PRKAG2: variants seen among roughly 807,000 people sequenced by gnomAD.
PRKAG2 encodes the protein protein kinase AMP-activated non-catalytic subunit gamma 2.
In PRKAG2, 26 loss-of-function variants were observed where a neutral mutation model predicts 69.6. The observed-to-expected ratio is 0.37, with a 90% CI of 0.27 to 0.52. The LOEUF (loss-of-function observed/expected upper bound fraction) is 0.52. Ranked by LOEUF, PRKAG2 falls within the 20% of genes least tolerant of loss-of-function variation. The pLI is 0.90. For synonymous variants in PRKAG2, 293 were observed against 285.0 expected, an observed-to-expected ratio of 1.03 and a Z score of -0.28; for missense variants, 557 against 740.0, an observed-to-expected ratio of 0.75 and a Z score of 2.87.
At chr7:151,641,742 C>T (rs1167599762) in intron 4 of PRKAG2, among the ~76,000 whole-genome samples, 1 of 151,540 alleles carries the variant, frequency 6.6e-6, no homozygotes, top group Non-Finnish European at 1.5e-5. Flanking sequence ...AACTCCAGTG[C>T]TCAAGTGATC....
chr7:151,757,955 C>T (rs1047081777), intron 3 of PRKAG2, among the ~76,000 whole-genome samples: 1 of 152,246 alleles, frequency 6.6e-6, no homozygotes, highest in African/African-American at 2.4e-5. Flanking sequence ...CGTTTTCAAA[C>T]CACTGCTGCG....
rs561302317 is a variant in PRKAG2, at chr7:151,795,444, A to G, written c.115-8903T>C. On this transcript the variant is annotated intron_variant, in intron 1 of 15. Coordinates refer to ENST00000287878, the MANE Select transcript of PRKAG2 (RefSeq NM_016203.4). Reference sequence around the variant, plus strand: ...ACAGGTGGCACTGCGGGCCCCAGCCAGGGGGCAGGGGAGGGGATGTTATGG... The same window carrying G: ...ACAGGTGGCACTGCGGGCCCCAGCCGGGGGGCAGGGGAGGGGATGTTATGG... 4.0e-5 allele frequency among the ~76,000 whole-genome samples: 6 copies of G among 151,736 alleles called. No individual in the cohort carries two copies. The East Asian group carries it at 9.8e-4, about 25-fold the overall frequency.
intron 12 of PRKAG2, 85 bp downstream of exon 12, chr7:151,565,635 C>G: frequency 6.5e-7 from 1 of 1,528,380 alleles, no homozygotes; most frequent in Non-Finnish European, 9.1e-7. Flanking sequence ...ATTTTCCCCA[C>G]GTATCTCCTG....
intron 6 of PRKAG2, among the ~76,000 whole-genome samples, chr7:151,587,362 CA>C (rs1233601151): frequency 1.3e-5 from 2 of 152,118 alleles, no homozygotes; most frequent in African/African-American, 4.8e-5. Context: ...AGAAAAATCC[CA>C]ACTAACTCAC....
At chr7:151,674,638 G>A (rs1832611883) in intron 4 of PRKAG2, among the ~76,000 whole-genome samples, 1 of 152,150 alleles carries the variant, frequency 6.6e-6, no homozygotes, top group Non-Finnish European at 1.5e-5. Context: ...GCTGGAGGCT[G>A]CACACGTCTG....
chr7:151,719,133 G>A lies in PRKAG2; in HGVS notation c.467-43496C>T, dbSNP rs548245519. Among the ~76,000 whole-genome samples the A allele has an allele frequency of 7.9e-5, 12 of 152,256 alleles. No homozygotes were observed. Among genetic ancestry groups the A allele is most frequent in the Admixed American group, 5.9e-4 (9 of 15,302 alleles). On this transcript the variant is annotated intron_variant, in intron 3 of 15. Transcript: ENST00000287878. This position sits in a 1 kb window ranked among gnomAD's most constrained non-coding sequence, Gnocchi z 5.2. ...CACCCTGTTCCCCGAGCGTTGCTCCGGGAGACGAGATGTATCTTGCAACCA... is the reference window on the plus strand; with the variant it reads ...CACCCTGTTCCCCGAGCGTTGCTCCAGGAGACGAGATGTATCTTGCAACCA...
intron 3 of PRKAG2, among the ~76,000 whole-genome samples, chr7:151,687,735 C>T (rs150033565): frequency 2.6e-5 from 4 of 152,298 alleles, no homozygotes; most frequent in Admixed American, 6.5e-5. Context: ...GTCTTCAGGC[C>T]GCAGCCCAGG....
chr7:151,596,174 A>T (rs1814470605), intron 5 of PRKAG2, among the ~76,000 whole-genome samples: 1 of 152,194 alleles, frequency 6.6e-6, no homozygotes, highest in Non-Finnish European at 1.5e-5. Context: ...GAAACAAGGA[A>T]GTTAAATTGT....
chr7:151,835,764 C>T lies in PRKAG2; in HGVS notation c.114+40743G>A, dbSNP rs944634830. Among the ~76,000 whole-genome samples the T allele has an allele frequency of 6.6e-6, 1 of 152,206 alleles. No homozygotes were observed. The highest frequency in any genetic ancestry group is 2.4e-5 in the African/African-American group (1 of 41,458). ...ACCCTGGGCTTCCATTGGTCTGGAT[C>T]GGACATCCCGGGGGCTCTCGTGGGC... On this transcript the variant is annotated intron_variant, in intron 1 of 15. Transcript: ENST00000287878. The surrounding 1 kb of genome is among the most constrained non-coding windows in gnomAD (Gnocchi z 4.1).
At chr7:151,833,114 A>G (rs937842284) in intron 1 of PRKAG2, among the ~76,000 whole-genome samples, 4 of 152,226 alleles carry the variant, frequency 2.6e-5, no homozygotes, top group African/African-American at 9.6e-5. Context: ...CAAAATAAAA[A>G]GCTAATTTCA....
chr7:151,816,488 T>C (rs2078643163), intron 1 of PRKAG2, among the ~76,000 whole-genome samples: 1 of 152,192 alleles, frequency 6.6e-6, no homozygotes, highest in Non-Finnish European at 1.5e-5. Context: ...AAAACCAAGC[T>C]GAGTGGAAAC....
At chr7:151,864,622 G>T (rs2080016529) in intron 1 of PRKAG2, among the ~76,000 whole-genome samples, 2 of 152,232 alleles carry the variant, frequency 1.3e-5, no homozygotes, top group Non-Finnish European at 2.9e-5. Context: ...CACCTAACAT[G>T]CAAAGCAGAG....
At chr7:151,595,678 T>C (rs529452269) in intron 5 of PRKAG2, among the ~76,000 whole-genome samples, 5 of 152,242 alleles carry the variant, frequency 3.3e-5, no homozygotes, top group African/African-American at 7.2e-5. Context: ...ATGAAAGGCA[T>C]ACATGTTGAA....
chr7:151,773,963 G>T (rs746200083), intron 3 of PRKAG2, among the ~76,000 whole-genome samples: 11 of 152,182 alleles, frequency 7.2e-5, no homozygotes, highest in African/African-American at 1.2e-4. Context: ...ACACAGATGG[G>T]CGTGACTGTG....
intron 1 of PRKAG2, among the ~76,000 whole-genome samples, chr7:151,842,631 CG>C: frequency 1.7e-5 from 1 of 58,788 alleles, no homozygotes; most frequent in Non-Finnish European, 3.1e-5. Flanking sequence ...ATGATGGTAG[CG>C]ATGGTAGGGA....
intron 1 of PRKAG2, among the ~76,000 whole-genome samples, chr7:151,815,028 C>G (rs557344985): frequency 6.6e-6 from 1 of 152,322 alleles, no homozygotes; most frequent in South Asian, 2.1e-4. Flanking sequence ...CTGCACTGTT[C>G]CCATCTAACT....
chr7:151,670,022 GCA>G (rs1301115404), intron 4 of PRKAG2, among the ~76,000 whole-genome samples: 6 of 105,786 alleles, frequency 5.7e-5, no homozygotes, highest in African/African-American at 7.9e-5. Context: ...ACACCTGCAT[GCA>G]CACACACCTG....
intron 3 of PRKAG2, among the ~76,000 whole-genome samples, chr7:151,706,718 C>G (rs543910529): frequency 1.3e-5 from 2 of 152,392 alleles, no homozygotes; most frequent in South Asian, 4.1e-4. Flanking sequence ...GTCTCCCAGA[C>G]TAGGCGTTAG....
intron 3 of PRKAG2, among the ~76,000 whole-genome samples, chr7:151,701,799 C>G (rs146103357): frequency 6.7e-6 from 1 of 149,790 alleles, no homozygotes; most frequent in Non-Finnish European, 1.5e-5. Flanking sequence ...GCCGAGATTG[C>G]GCCACTGCAC....
Sources: allele counts gnomAD v4.1 joint callset (sites outside exome capture counted in the v4.1 genomes callset), GRCh38; gene constraint gnomAD v4.1.1; non-coding constraint Gnocchi (gnomAD v3.1); transcripts MANE v1.5; gene names NCBI Gene and HGNC (gene_info 2026-07-23, HGNC 2026-07-21).